Variants in PAWR observed in about 807,000 individuals in gnomAD.
The protein encoded by PAWR is pro-apoptotic WT1 regulator, also known as PRKC apoptosis WT1 regulator protein.
In PAWR, 23 loss-of-function variants were observed where a neutral mutation model predicts 32.0. That is an observed-to-expected ratio of 0.72 (90% confidence interval 0.52 to 1.02). The LOEUF is 1.02. Among genes scored for constraint, PAWR ranks in the 50% least tolerant of loss-of-function variants. The pLI is 0.00. For synonymous variants in PAWR, 226 were observed against 187.1 expected (o/e 1.21, Z -1.70); for missense variants, 457 against 437.7 (o/e 1.04, Z -0.39).
At chr12:79,645,740 T>C (rs1876544937) in intron 2 of PAWR, among the ~76,000 whole-genome samples, 1 of 152,370 alleles carries the variant, frequency 6.6e-6, no homozygotes, top group East Asian at 1.9e-4. Flanking sequence ...ACATTATTAA[T>C]ATTATATGGA....
At chr12:79,675,238 G>A (rs143350030) in intron 2 of PAWR, among the ~76,000 whole-genome samples, 23 of 152,116 alleles carry the variant, frequency 1.5e-4, no homozygotes, top group African/African-American at 5.5e-4. Flanking sequence ...ATTTTAGCTG[G>A]GCGTGGTGCC....
At position 79,690,002 on chromosome 12, in the gene PAWR, A is replaced by G; in HGVS notation, c.243T>C (p.Pro81=). The G allele has an allele frequency of 1.5e-6, 2 of 1,305,118 alleles. No homozygotes were observed. The highest frequency in any genetic ancestry group is 1.9e-6 in the Non-Finnish European group (2 of 1,032,876). 80.8% of individuals were successfully genotyped at this position (1,305,118 alleles called of 1,614,324 possible). ...TCACGCCCCCGGGACCGGGGACGGC[A>G]GGTGCGGCCGGCGCGCCGCCCGGGA... The part of the protein sequence containing the change: ...NNLPGGAPAA[P]AVPGPGGVNC... The change falls in exon 2 of 7, where the codon CCT becomes CCC. Residue 81 remains proline (P), a synonymous_variant. Transcript: ENST00000328827.
At chr12:79,612,809 A>G (rs1874501192) in intron 4 of PAWR, among the ~76,000 whole-genome samples, 1 of 152,080 alleles carries the variant, frequency 6.6e-6, no homozygotes, top group South Asian at 2.1e-4. Context: ...TATCCTAGAC[A>G]CCTCCACTGA....
chr12:79,636,468 T>A (rs940661227), intron 2 of PAWR, among the ~76,000 whole-genome samples: 6 of 152,110 alleles, frequency 3.9e-5, no homozygotes, highest in Admixed American at 6.5e-5. Flanking sequence ...TCTAAAACTA[T>A]GCATACTAAC....
At chr12:79,641,907 T>C (rs1876345721) in intron 2 of PAWR, among the ~76,000 whole-genome samples, 1 of 98,852 alleles carries the variant, frequency 1.0e-5, no homozygotes, top group South Asian at 4.3e-4. Flanking sequence ...AGCTACATAA[T>C]AACTCCTTTC....
At chr12:79,651,349 C>T (rs1363332195) in intron 2 of PAWR, among the ~76,000 whole-genome samples, 1 of 151,838 alleles carries the variant, frequency 6.6e-6, no homozygotes, top group Non-Finnish European at 1.5e-5. Context: ...ATGCAATCTC[C>T]AAAAAAAGTA....
intron 4 of PAWR, among the ~76,000 whole-genome samples, chr12:79,612,901 T>C (rs537729489): frequency 2.0e-5 from 3 of 152,198 alleles, no homozygotes; most frequent in African/African-American, 4.8e-5. Context: ...GTGTTACTCA[T>C]TGTGTACAGG....
intron 4 of PAWR, among the ~76,000 whole-genome samples, chr12:79,597,530 C>A (rs2136675725): frequency 6.6e-6 from 1 of 152,004 alleles, no homozygotes; most frequent in African/African-American, 2.4e-5. Flanking sequence ...AGATTCAGAC[C>A]CATAAAATTA....
In PAWR at chr12:79,684,856, G is replaced by A. The variant is rs201323353; in HGVS notation, c.516+4873C>T. Among the ~76,000 whole-genome samples, 13 of 152,248 alleles carry A rather than the reference G, an allele frequency of 8.5e-5. No homozygotes were observed. In the East Asian group the frequency reaches 2.3e-3, roughly 27 times the overall value. On this transcript the variant is annotated intron_variant, in intron 2 of 6. Coordinates refer to ENST00000328827, the MANE Select transcript of PAWR (RefSeq NM_002583.4). ...TTGTATTTCTTAAACTAGGTATACA[G>A]TATGTAATACACTGAAGTGTAGTAA...
intron 2 of PAWR, among the ~76,000 whole-genome samples, chr12:79,674,332 GATAACTGGCTAGCC>G (rs941631860): frequency 2.6e-5 from 4 of 151,614 alleles, no homozygotes; most frequent in African/African-American, 9.7e-5. Flanking sequence ...ACAGTGCTGA[GATAACTGGCTAGCC>G]ATATGCAGAA....
intron 2 of PAWR, among the ~76,000 whole-genome samples, chr12:79,641,327 C>T (rs887896052): frequency 6.6e-6 from 1 of 152,088 alleles, no homozygotes; most frequent in Non-Finnish European, 1.5e-5. Flanking sequence ...TATTTTTATC[C>T]CTACTTTATG....
At chr12:79,623,867 A>G (rs1021272591) in intron 2 of PAWR, among the ~76,000 whole-genome samples, 7 of 152,236 alleles carry the variant, frequency 4.6e-5, no homozygotes, top group African/African-American at 1.7e-4. Flanking sequence ...GTATAAAACT[A>G]CAATAACAAA....
chr12:79,604,387 T>G (rs1874085375), intron 4 of PAWR: 1 of 1,015,224 alleles, frequency 9.9e-7, no homozygotes, highest in Non-Finnish European at 1.2e-6. Flanking sequence ...CACCAGGGGG[T>G]GTTGTGTTGG....
intron 2 of PAWR, among the ~76,000 whole-genome samples, chr12:79,676,706 A>C (rs1878187668): frequency 1.3e-5 from 2 of 152,240 alleles, no homozygotes; most frequent in South Asian, 4.1e-4. Flanking sequence ...AAGATCCTTC[A>C]CTATTCTGCT....
Position 79,658,711 on chromosome 12 carries a change from T to C in PAWR, c.516+31018A>G, listed in dbSNP as rs539965652. On this transcript the variant is annotated intron_variant, in intron 2 of 6. Coordinates refer to ENST00000328827, the MANE Select transcript of PAWR (RefSeq NM_002583.4). ...TTCAGTTGGAATGAATCTGTAAGGC[T>C]GGAGTGCAGTGGCATGATCTCAGCT... is the stretch of plus-strand genomic sequence containing the variant. 3.3e-5 allele frequency among the ~76,000 whole-genome samples: 5 copies of C among 152,232 alleles called. No homozygotes were observed. In the South Asian group the frequency reaches 1.0e-3, roughly 32 times the overall value.
At chr12:79,599,940 A>G (rs183398195) in intron 4 of PAWR, among the ~76,000 whole-genome samples, 267 of 152,268 alleles carry the variant, frequency 1.8e-3, no homozygotes, top group African/African-American at 5.7e-3. Context: ...TCTTTGTAAT[A>G]TTCTTTCAAA....
chr12:79,627,325 T>C (rs574648861), intron 2 of PAWR, among the ~76,000 whole-genome samples: 1 of 152,232 alleles, frequency 6.6e-6, no homozygotes, highest in Non-Finnish European at 1.5e-5. Context: ...TTGATTTGCA[T>C]TTCTCTGATG....
At chr12:79,638,991 C>A (rs1876148117) in intron 2 of PAWR, among the ~76,000 whole-genome samples, 1 of 136,562 alleles carries the variant, frequency 7.3e-6, no homozygotes, top group Non-Finnish European at 1.5e-5. Context: ...CAGCTCACTG[C>A]AACCTCCACC....
intron 4 of PAWR, among the ~76,000 whole-genome samples, chr12:79,611,221 A>G (rs1006739592): frequency 1.4e-5 from 2 of 146,202 alleles, no homozygotes; most frequent in African/African-American, 2.5e-5. Context: ...ACTTATAGAT[A>G]TTTATATATA....
Sources: allele counts gnomAD v4.1 joint callset (sites outside exome capture counted in the v4.1 genomes callset), GRCh38; gene constraint gnomAD v4.1.1; transcripts MANE v1.5; gene names NCBI Gene and HGNC (gene_info 2026-07-23, HGNC 2026-07-21).